The following NUMA1 variants were observed in gnomAD, a reference collection of about 807,000 sequenced individuals.
NUMA1 encodes SP-H antigen.
In NUMA1, 62 loss-of-function variants were observed where a neutral mutation model predicts 237.1. That is an observed-to-expected ratio of 0.26 (90% CI 0.21 to 0.32). The LOEUF (loss-of-function observed/expected upper bound fraction) is 0.32. NUMA1 is among the 10% of genes least tolerant of loss of function. The pLI, the probability that NUMA1 is intolerant of heterozygous loss-of-function variation, is 1.00. For missense variants in NUMA1, 2,533 were observed against 2,666.5 expected (o/e 0.95, Z 1.10); for synonymous variants, 1,028 against 1,066.1 (o/e 0.96, Z 0.70).
intron 7 of NUMA1, 36 bp from the exon 8 acceptor site, chr11:72,021,327 G>T: frequency 6.3e-7 from 1 of 1,589,902 alleles, no homozygotes; most frequent in Non-Finnish European, 8.6e-7. Context: ...TCACTTAGGT[G>T]TTAGGCCTCT....
chr11:72,017,992 T>G, intron 12 of NUMA1, 165 bp from the exon 13 acceptor site: 1 of 1,016,578 alleles, frequency 9.8e-7, no homozygotes, highest in South Asian at 1.6e-5. Context: ...CAAATCAACA[T>G]TTAGGGTCAC....
intron 13 of NUMA1, 52 bp from the exon 14 acceptor site, chr11:72,016,582 T>G (rs1387454181): frequency 3.5e-5 from 56 of 1,595,074 alleles, no homozygotes; most frequent in Non-Finnish European, 4.6e-5. Context: ...GGCACCAGAT[T>G]ACCACACAAG....
chr11:72,016,841 A>C, intron 13 of NUMA1: 2 of 246,506 alleles, frequency 8.1e-6, no homozygotes, highest in Non-Finnish European at 1.6e-5. Context: ...GATTATCCAA[A>C]TCACCACCAG....
chr11:72,037,455 G>A (rs1011150705), intron 2 of NUMA1, among the ~76,000 whole-genome samples: 18 of 152,046 alleles, frequency 1.2e-4, no homozygotes, highest in African/African-American at 2.2e-4. Context: ...GCAGTGAGCC[G>A]AGATCGCACC....
At chr11:72,039,773 C>T (rs1473481149) in intron 2 of NUMA1, 3 of 152,274 alleles carry the variant, frequency 2.0e-5, no homozygotes, top group African/African-American at 7.2e-5. Flanking sequence ...GAATTCCATG[C>T]TCTGTACCCC....
At chr11:72,072,010 G>C (rs541022) in intron 1 of NUMA1, among the ~76,000 whole-genome samples, 2 of 151,986 alleles carry the variant, frequency 1.3e-5, no homozygotes, top group Admixed American at 1.3e-4. Flanking sequence ...TTGGAGGTCA[G>C]CAATCAGACA....
At chr11:72,021,528 T>C (rs1201206134) in intron 7 of NUMA1, among the ~76,000 whole-genome samples, 1 of 152,208 alleles carries the variant, frequency 6.6e-6, no homozygotes, top group Non-Finnish European at 1.5e-5. Flanking sequence ...TGTACCGAAG[T>C]CAGAGTTCCT....
At chr11:72,022,166 T>G in intron 7 of NUMA1, 173 bp downstream of exon 7, 2 of 553,648 alleles carry the variant, frequency 3.6e-6, no homozygotes, top group Non-Finnish European at 6.4e-6. Context: ...TCGGCAACTG[T>G]TATTTCCTCC....
At chr11:72,018,131 A>C in intron 12 of NUMA1, 52 bp downstream of exon 12, 1 of 1,336,326 alleles carries the variant, frequency 7.5e-7, no homozygotes, top group Non-Finnish European at 1.1e-6. Flanking sequence ...GGAGCCTTCC[A>C]GACCACCTCA....
chr11:72,045,277 C>T (rs1454476010), intron 2 of NUMA1, among the ~76,000 whole-genome samples: 1 of 152,036 alleles, frequency 6.6e-6, no homozygotes, highest in Non-Finnish European at 1.5e-5. Flanking sequence ...GACCAAGGCT[C>T]ATTGCTGTAG....
chr11:72,022,935 C>T, intron 6 of NUMA1, 130 bp downstream of exon 6: 1 of 666,800 alleles, frequency 1.5e-6, no homozygotes, highest in Non-Finnish European at 2.7e-6. Flanking sequence ...GTTCTACCTC[C>T]AACGTACTAG....
chr11:72,049,257 A>C (rs1942172277), intron 2 of NUMA1, among the ~76,000 whole-genome samples: 1 of 151,928 alleles, frequency 6.6e-6, no homozygotes, highest in African/African-American at 2.4e-5. Flanking sequence ...CAGGGGGAAT[A>C]CTCTTACTGG....
At chr11:72,016,554 G>A in intron 13 of NUMA1, 24 bp from the exon 14 acceptor site, 1 of 1,610,288 alleles carries the variant, frequency 6.2e-7, no homozygotes, top group African/African-American at 1.3e-5. Context: ...AGACCCATGT[G>A]AACAGAGAGG....
Position 72,009,298 on chromosome 11 carries a change from C to A in NUMA1, c.4809G>T (p.Lys1603Asn), listed in dbSNP as rs774508581. The A allele has an allele frequency of 1.2e-6, 2 of 1,613,502 alleles. No individual in the cohort carries two copies. Among genetic ancestry groups the A allele is most frequent in the East Asian group, 2.2e-5 (1 of 44,878 alleles). ...LNELQAQLSQ[K>N]EQAAEHYKLQ... ...GCTTATAGTGCTCAGCTGCCTGCTC[C>A]TTCTGGCTCAACTGGGCTTGCAGTT... is the stretch of plus-strand genomic sequence containing the variant. The change falls in exon 18 of 27, where the codon AAG becomes AAT. Residue 1603 changes from lysine (K) to asparagine (N), a missense_variant. Lys to Asn is a moderately conservative substitution (Grantham distance 94). Transcript: ENST00000393695.
intron 2 of NUMA1, among the ~76,000 whole-genome samples, chr11:72,047,159 T>G (rs1942048361): frequency 6.6e-6 from 1 of 151,722 alleles, no homozygotes; most frequent in Non-Finnish European, 1.5e-5. Flanking sequence ...ACATTATCAT[T>G]TTTGAAAGTT....
intron 2 of NUMA1, among the ~76,000 whole-genome samples, chr11:72,059,301 A>G (rs913073298): frequency 1.3e-5 from 2 of 152,096 alleles, no homozygotes; most frequent in Non-Finnish European, 2.9e-5. Context: ...TTTTGAGACA[A>G]AGTCTCACTC....
chr11:72,039,078 CCT>C (rs756737456), intron 2 of NUMA1, among the ~76,000 whole-genome samples: 20 of 152,288 alleles, frequency 1.3e-4, no homozygotes, highest in South Asian at 2.1e-4. Context: ...TACAGTAACC[CCT>C]GTTTCCAGAA....
At position 72,007,297 on chromosome 11, in the gene NUMA1, G is replaced by C. The variant is rs759123472; in HGVS notation, c.5355C>G (p.Pro1785=). The C allele has an allele frequency of 4.3e-6, 7 of 1,613,242 alleles. No individual in the cohort carries two copies. Among genetic ancestry groups the C allele is most frequent in the South Asian group, 3.3e-5 (3 of 91,034 alleles). The change falls in exon 21 of 27, where the codon CCC becomes CCG. Residue 1785 remains proline (P), a synonymous_variant. Transcript: ENST00000393695. ...CCAGGGAGTCCAGGCTGCTCTCCAGGGGGGCCTGACTCCGAGCAGGGATGG... is the reference window on the plus strand; with the variant it reads ...CCAGGGAGTCCAGGCTGCTCTCCAGCGGGGCCTGACTCCGAGCAGGGATGG... ...FTPIPARSQA[P]LESSLDSLGD... is the part of the protein sequence containing the mutation.
In NUMA1 at chr11:72,005,274, A is replaced by G; in HGVS notation, c.5788T>C (p.Cys1930Arg). 6.2e-7 allele frequency: 1 copy of G among 1,609,128 alleles called. No homozygotes were observed. The highest frequency in any genetic ancestry group is 8.5e-7 in the Non-Finnish European group (1 of 1,177,754). The change falls in exon 23 of 27, where the codon TGC becomes CGC. Residue 1930 changes from cysteine (C) to arginine (R), a missense_variant. This residue lies in a region of NUMA1 where 795 missense variants were observed against 750.8 expected (regional missense o/e 1.06). Coordinates refer to ENST00000393695, the MANE Select transcript of NUMA1 (RefSeq NM_006185.4). Reference protein sequence around the residue: ...IAELQQRNRVCPPHLKTCYPL... With the variant: ...IAELQQRNRVRPPHLKTCYPL... ...TAGCAGGTCTTCAGATGTGGGGGGC[A>G]CACTCGATTGCGCTGCTGCAGCTCT...
Sources: allele counts gnomAD v4.1 joint callset (sites outside exome capture counted in the v4.1 genomes callset), GRCh38; gene constraint gnomAD v4.1.1; regional missense constraint gnomAD v4.1.1; transcripts MANE v1.5; gene names NCBI Gene and HGNC (gene_info 2026-07-23, HGNC 2026-07-21).